Variants in VPS53 observed in about 807,000 individuals in gnomAD.
VPS53 encodes the protein vacuolar protein sorting-associated protein 53 homolog.
Under a neutral mutation model 107.0 loss-of-function variants are expected in VPS53, and 70 were observed. The observed-to-expected ratio is 0.65, with a 90% CI of 0.54 to 0.80. The LOEUF (loss-of-function observed/expected upper bound fraction) is 0.80, where lower values mean the gene tolerates loss of function less well. VPS53 is among the 30% of genes least tolerant of loss of function. The pLI, the probability that VPS53 is intolerant of heterozygous loss-of-function variation, is 0.00. For missense variants in VPS53, 917 were observed against 1,049.4 expected, an observed-to-expected ratio of 0.87 and a Z score of 1.74; for synonymous variants, 409 against 393.3, an observed-to-expected ratio of 1.04 and a Z score of -0.47.
In VPS53 at chr17:521,611, A is replaced by C. The variant is rs1275489242; in HGVS notation, c.2213T>G (p.Met738Arg). 6.5e-7 allele frequency: 1 copy of C among 1,544,532 alleles called. No homozygotes were observed. The highest frequency in any genetic ancestry group is 1.7e-4 in the Middle Eastern group (1 of 5,988). Residue 738 changes from methionine to arginine, a missense_variant, in exon 20 of 22, where the codon ATG becomes AGG. Met to Arg is a moderately conservative substitution (Grantham distance 91). Transcript: ENST00000437048. ...IVVKGMTRAE[M>R]ILKVVMAPHE... ...AACACAAGCCATCACCTTGAGGATC[A>C]TCTCAGCCCGGGTCATGCCTTTGAC...
intron 5 of VPS53, among the ~76,000 whole-genome samples, chr17:660,182 A>G (rs1475877386): frequency 6.6e-6 from 1 of 152,194 alleles, no homozygotes. Context: ...ACCACTCACC[A>G]ACGATGCATC....
At chr17:535,587 A>G (rs186724879) in intron 18 of VPS53, among the ~76,000 whole-genome samples, 7 of 152,206 alleles carry the variant, frequency 4.6e-5, no homozygotes, top group Admixed American at 2.0e-4. Flanking sequence ...CGTAAGCTCA[A>G]TGAGACCCCG....
chr17:571,469 CTCTCCCTCTCCCTCTCCT>C (rs1914050722), intron 13 of VPS53, among the ~76,000 whole-genome samples: 1 of 120,050 alleles, frequency 8.3e-6, no homozygotes, highest in African/African-American at 3.4e-5. Flanking sequence ...CAACAATGGG[CTCTCCCTCTCCCTCTCCT>C]TCTCCCTCTC....
intron 9 of VPS53, among the ~76,000 whole-genome samples, chr17:627,776 A>T (rs573934664): frequency 6.9e-3 from 15 of 2,186 alleles, no homozygotes; most frequent in South Asian, 0.12. Context: ...ACTCCGTCTC[A>T]CACACACACA....
Position 644,317 on chromosome 17 carries a change from A to G in VPS53, c.608+8974T>C, listed in dbSNP as rs547146241. Among the ~76,000 whole-genome samples the G allele has an allele frequency of 3.5e-4, 54 of 152,362 alleles. No homozygotes were observed. The South Asian group carries it at 0.011, about 30-fold the overall frequency. On this transcript the variant is annotated intron_variant, in intron 7 of 21. Transcript: ENST00000437048. ...TGACTTCTACACTTTACAGACAGCAAGACAGTAAATTTGAGAAACGGAAGC... is the reference window on the plus strand; with the variant it reads ...TGACTTCTACACTTTACAGACAGCAGGACAGTAAATTTGAGAAACGGAAGC...
rs148258317 is a variant in VPS53 at position 710,590 on chromosome 17, T to C, written c.111A>G (p.Leu37=). 3 of 1,613,904 alleles carry C rather than the reference T, an allele frequency of 1.9e-6. No homozygotes were observed. The African/African-American group carries it at 4.0e-5, about 22-fold the overall frequency. The change falls in exon 2 of 22, where the codon CTA becomes CTG. Residue 37 remains leucine, a synonymous_variant. Transcript: ENST00000437048. ...CAACAGCATTGAAATCTGCTCGATC[T>C]AGAGGGTCCTGGCTTGGAAACACCT... The part of the protein sequence containing the change: ...IEQVFPSQDP[L]DRADFNAVEY...
chr17:656,475 G>C (rs1446061641), intron 5 of VPS53, among the ~76,000 whole-genome samples: 1 of 152,192 alleles, frequency 6.6e-6, no homozygotes, highest in Non-Finnish European at 1.5e-5. Context: ...TAAGTTACTA[G>C]GAGGGCAGGA....
intron 19 of VPS53, among the ~76,000 whole-genome samples, chr17:525,536 A>C (rs1909064642): frequency 6.6e-6 from 1 of 152,106 alleles, no homozygotes; most frequent in Non-Finnish European, 1.5e-5. Flanking sequence ...AAAAACAAAA[A>C]TAATAAGATT....
chr17:709,932 G>A (rs1479594345), intron 2 of VPS53, among the ~76,000 whole-genome samples: 1 of 152,168 alleles, frequency 6.6e-6, no homozygotes, highest in Non-Finnish European at 1.5e-5. Flanking sequence ...GGATCACGAG[G>A]TCAGGAGTTT....
rs1260393646 is a variant in VPS53, at chr17:510,649, CCAGGA to C, written c.*8474_*8478del. On this transcript the variant is annotated 3_prime_UTR_variant, in exon 22 of 22. Coordinates refer to ENST00000437048, the MANE Select transcript of VPS53 (RefSeq NM_001128159.3). Reference sequence around the variant, plus strand: ...AATTTCATCCGATGAGATAATGTATCCAGGACACAGTAAATACACAGTTACCTTTT... The same window carrying C: ...AATTTCATCCGATGAGATAATGTATCCACAGTAAATACACAGTTACCTTTT... The C allele has an allele frequency of 2.0e-5, 3 of 153,476 alleles. No homozygotes were observed. The highest frequency in any genetic ancestry group is 4.8e-5 in the African/African-American group (2 of 41,456). The allele number at this position is 153,476 out of a possible 1,614,324, so 9.5% of individuals were successfully genotyped here.
intron 19 of VPS53, among the ~76,000 whole-genome samples, chr17:522,616 C>CA (rs1371026548): frequency 6.6e-6 from 1 of 152,086 alleles, no homozygotes; most frequent in Non-Finnish European, 1.5e-5. Flanking sequence ...ATTCATTAGG[C>CA]AAAAAATAGT....
rs1306710536 is a variant in VPS53, at chr17:631,576, C to G, written c.661G>C (p.Glu221Gln). 9 of 1,614,002 alleles carry G rather than the reference C, an allele frequency of 5.6e-6. No individual in the cohort carries two copies. The highest frequency in any genetic ancestry group is 5.1e-6 in the Non-Finnish European group (6 of 1,180,032). ...TTGGTGCCCTGGGAAGGAAACGCTT[C>G]TTCAAAATCTGCCAGGATTTGCTGT... is the stretch of plus-strand genomic sequence containing the variant. ...LGQQILADFE[E>Q]AFPSQGTKRP... The change falls in exon 8 of 22, where the codon GAA (glutamate) becomes CAA (glutamine). Residue 221 changes from glutamate to glutamine, a missense_variant. Transcript: ENST00000437048.
At position 519,168 on chromosome 17, in the gene VPS53, C is replaced by T. The variant is rs1233124586; in HGVS notation, c.2459G>A (p.Arg820His). 5.2e-6 allele frequency: 8 copies of T among 1,544,718 alleles called. No individual in the cohort carries two copies. In the Admixed American group the frequency reaches 8.1e-5, roughly 16 times the overall value. The part of the protein sequence containing the change: ...TAPTPEQESS[R>H]IRKLEKLIKK... ...AATGAGTTTCTCGAGCTTGCGGATG[C>T]GTGACGACTCTTGCTCTGGTGTTGG... The change falls in exon 22 of 22, where the codon CGC becomes CAC. Residue 820 changes from arginine (R) to histidine (H), a missense_variant. By Grantham distance (29) the Arg-to-His change is conservative. Coordinates refer to ENST00000437048, the MANE Select transcript of VPS53 (RefSeq NM_001128159.3). The surrounding 1 kb of genome is among the most constrained non-coding windows in gnomAD (Gnocchi z 5.0).
At chr17:672,175 AT>A (rs1971987738) in intron 4 of VPS53, among the ~76,000 whole-genome samples, 1 of 107,068 alleles carries the variant, frequency 9.3e-6, no homozygotes, top group African/African-American at 3.4e-5. Flanking sequence ...CACAATCTCA[AT>A]CTCTCTCTCT....
Position 675,974 on chromosome 17 carries a change from C to G in VPS53, c.286-14079G>C, listed in dbSNP as rs1162010445. Among the ~76,000 whole-genome samples the G allele has an allele frequency of 5.3e-5, 8 of 151,960 alleles. 1 individual carries two copies. The highest frequency in any genetic ancestry group is 4.6e-4 in the Admixed American group (7 of 15,248). On this transcript the variant is annotated intron_variant, in intron 4 of 21. Transcript: ENST00000437048. ...AATACAGAAACAGAAATTAGAAACCCCGGCATGGGATCCAATAATATACGG... is the reference window on the plus strand; with the variant it reads ...AATACAGAAACAGAAATTAGAAACCGCGGCATGGGATCCAATAATATACGG...
intron 7 of VPS53, among the ~76,000 whole-genome samples, 176 bp from the exon 8 acceptor site, chr17:631,804 G>A (rs1275928825): frequency 1.3e-5 from 2 of 151,862 alleles, no homozygotes; most frequent in African/African-American, 4.8e-5. Flanking sequence ...GCAGGACCCA[G>A]GCATCCAAGA....
intron 7 of VPS53, among the ~76,000 whole-genome samples, chr17:643,521 T>C (rs372038055): frequency 1.1e-4 from 10 of 91,164 alleles, no homozygotes; most frequent in East Asian, 3.5e-4. Context: ...ACTTGGCAAC[T>C]GAGGACAACA....
intron 11 of VPS53, among the ~76,000 whole-genome samples, chr17:605,049 C>T (rs563357172): frequency 2.4e-4 from 36 of 152,150 alleles, no homozygotes; most frequent in African/African-American, 7.5e-4. Context: ...GGGCCGCAGC[C>T]GTCCCTAAAG....
intron 4 of VPS53, among the ~76,000 whole-genome samples, chr17:684,082 T>A: frequency 6.6e-6 from 1 of 152,284 alleles, no homozygotes; most frequent in East Asian, 1.9e-4. Context: ...AGTGACAATA[T>A]GACTGTGATA....
Sources: allele counts gnomAD v4.1 joint callset (sites outside exome capture counted in the v4.1 genomes callset), GRCh38; gene constraint gnomAD v4.1.1; non-coding constraint Gnocchi (gnomAD v3.1); transcripts MANE v1.5; gene names NCBI Gene and HGNC (gene_info 2026-07-23, HGNC 2026-07-21).